Variants in SRGAP3 observed in about 807,000 individuals in gnomAD.
SRGAP3 encodes the protein SLIT-ROBO Rho GTPase activating protein 3, also known as SLIT-ROBO Rho GTPase-activating protein 3.
SRGAP3 carries 39 observed loss-of-function variants against 121.1 expected under a neutral mutation model. The observed-to-expected ratio is 0.32, with a 90% CI of 0.25 to 0.42. SRGAP3 has a LOEUF of 0.42. SRGAP3 is among the 10% of genes least tolerant of loss of function. SRGAP3 has a pLI of 1.00. For missense variants in SRGAP3, 1,213 were observed against 1,470.6 expected (o/e 0.82, Z 2.86); for synonymous variants, 601 against 570.0 (o/e 1.05, Z -0.77).
chr3:9,243,558 T>G (rs1444386947), intron 1 of SRGAP3, among the ~76,000 whole-genome samples: 1 of 150,220 alleles, frequency 6.7e-6, no homozygotes, highest in East Asian at 2.0e-4. Context: ...TTGCTTGAAC[T>G]CGGGAGGCAG....
intron 3 of SRGAP3, among the ~76,000 whole-genome samples, chr3:9,279,046 C>G (rs550890512): frequency 6.6e-6 from 1 of 151,694 alleles, no homozygotes; most frequent in Non-Finnish European, 1.5e-5. Context: ...GGCTGAGACA[C>G]AAGAATCGCT....
intron 1 of SRGAP3, among the ~76,000 whole-genome samples, chr3:9,128,695 G>A (rs1364932811): frequency 6.6e-6 from 1 of 152,180 alleles, no homozygotes; most frequent in East Asian, 1.9e-4. Context: ...AACCCAAAAT[G>A]TCTAGTAAGA....
intron 4 of SRGAP3, among the ~76,000 whole-genome samples, chr3:9,077,516 T>G (rs772692487): frequency 6.6e-6 from 1 of 152,172 alleles, no homozygotes; most frequent in African/African-American, 2.4e-5. Context: ...GCTGGCACCA[T>G]GAGGATCCCA....
chr3:9,240,757 G>T (rs1025187960), intron 1 of SRGAP3, among the ~76,000 whole-genome samples: 1 of 152,200 alleles, frequency 6.6e-6, no homozygotes, highest in African/African-American at 2.4e-5. Context: ...TTCTGGTTCC[G>T]TATTTCCAGG....
intron 1 of SRGAP3, among the ~76,000 whole-genome samples, chr3:9,142,675 C>T (rs1949893652): frequency 6.6e-6 from 1 of 152,130 alleles, no homozygotes; most frequent in Non-Finnish European, 1.5e-5. Flanking sequence ...AGTCTCTTCA[C>T]TACTCTAGGT....
intron 1 of SRGAP3, among the ~76,000 whole-genome samples, chr3:9,189,638 C>T (rs1352557460): frequency 2.0e-5 from 3 of 152,226 alleles, no homozygotes; most frequent in Non-Finnish European, 2.9e-5. Context: ...AATCCATTTA[C>T]AATGGCTGCC....
chr3:9,089,377 C>T (rs1396908843), intron 3 of SRGAP3, among the ~76,000 whole-genome samples: 1 of 137,478 alleles, frequency 7.3e-6, no homozygotes, highest in African/African-American at 2.6e-5. Flanking sequence ...AGCCAAGATT[C>T]ATCTTTTTGA....
rs1043049140 is a variant in SRGAP3, at chr3:9,010,209, G to A, written c.2227+99C>T. The A allele has an allele frequency of 2.9e-6, 4 of 1,366,738 alleles. No individual in the cohort carries two copies. In the African/African-American group the frequency reaches 5.7e-5, roughly 20 times the overall value. The allele number at this position is 1,366,738 out of a possible 1,614,324, so 84.7% of individuals were successfully genotyped here. On this transcript the variant is annotated intron_variant, in intron 18 of 21. Transcript: ENST00000383836. ...GGACAGATGGCTGACTTGGAAAGCT[G>A]AAGAGGTCTATGTGGGCCAGCCCTG...
At chr3:9,353,416 G>A (rs2030305476) in intron 1 of SRGAP3, among the ~76,000 whole-genome samples, 1 of 152,234 alleles carries the variant, frequency 6.6e-6, no homozygotes, top group Admixed American at 6.5e-5. Flanking sequence ...CAGTTATAAG[G>A]ATACAGTTCC....
chr3:9,034,751 A>G (rs573971630), intron 11 of SRGAP3: 3 of 152,258 alleles, frequency 2.0e-5, no homozygotes, highest in Admixed American at 6.5e-5. Context: ...GGATGTATGT[A>G]TGTGGGGTGG....
chr3:9,186,453 T>C (rs1199116242), intron 1 of SRGAP3, among the ~76,000 whole-genome samples: 1 of 152,224 alleles, frequency 6.6e-6, no homozygotes, highest in Non-Finnish European at 1.5e-5. Flanking sequence ...GGACGCTCAA[T>C]AAATGCTTGC....
At chr3:9,200,689 C>A (rs1452454418) in intron 1 of SRGAP3, among the ~76,000 whole-genome samples, 1 of 152,088 alleles carries the variant, frequency 6.6e-6, no homozygotes, top group East Asian at 1.9e-4. Flanking sequence ...ATTTCCAGAT[C>A]CCAAAAAGAC....
chr3:9,348,679 C>T (rs550399048), intron 1 of SRGAP3: 351 of 1,104,788 alleles, frequency 3.2e-4, no homozygotes, highest in Non-Finnish European at 4.3e-4. Flanking sequence ...ACGTGGCTGC[C>T]AGTAGTGAGG....
chr3:9,358,314 T>C (rs1389946971), intron 1 of SRGAP3, among the ~76,000 whole-genome samples: 2 of 152,176 alleles, frequency 1.3e-5, no homozygotes, highest in African/African-American at 4.8e-5. Flanking sequence ...GAATATTTCA[T>C]ATGAATAAAA....
At chr3:9,317,897 G>A (rs1377346270) in intron 3 of SRGAP3, among the ~76,000 whole-genome samples, 1 of 152,202 alleles carries the variant, frequency 6.6e-6, no homozygotes, top group Non-Finnish European at 1.5e-5. Context: ...TCTGGATTCA[G>A]ACTCAGTAAA....
At chr3:9,314,079 T>C (rs1955301811) in intron 3 of SRGAP3, among the ~76,000 whole-genome samples, 1 of 152,250 alleles carries the variant, frequency 6.6e-6, no homozygotes, top group Non-Finnish European at 1.5e-5. Flanking sequence ...GCAGAACTTT[T>C]GTCTGTCTTG....
In SRGAP3 at chr3:8,983,691, T is replaced by G. The variant is rs1293924222; in HGVS notation, c.*1828A>C. On this transcript the variant is annotated 3_prime_UTR_variant, in exon 22 of 22. Transcript: ENST00000383836. The stretch of plus-strand genomic sequence containing the variant: ...GGCTCTGATCTAAGACTTACCTTAC[T>G]AATGATAATCACAAACGCATTGTAT... The G allele has an allele frequency of 1.7e-5, 4 of 231,140 alleles. No homozygotes were observed. The highest frequency in any genetic ancestry group is 8.8e-5 in the African/African-American group (4 of 45,234). The allele number at this position is 231,140 out of a possible 1,614,324, so 14.3% of individuals were successfully genotyped here.
intron 14 of SRGAP3, among the ~76,000 whole-genome samples, chr3:9,020,577 T>G (rs977788941): frequency 1.1e-4 from 16 of 152,244 alleles, no homozygotes; most frequent in Non-Finnish European, 2.1e-4. Flanking sequence ...TTGTTAAGCA[T>G]GATTCGCATA....
chr3:9,134,102 G>C (rs908847498), intron 1 of SRGAP3, among the ~76,000 whole-genome samples: 4 of 152,126 alleles, frequency 2.6e-5, no homozygotes, highest in African/African-American at 7.2e-5. Flanking sequence ...CTTGCCCTTG[G>C]AGGCCTCTGC....
Sources: gnomAD v4.1 joint callset for allele counts (sites outside exome capture counted in the v4.1 genomes callset) on GRCh38, gnomAD v4.1.1 for gene constraint, MANE v1.5 for transcripts, NCBI Gene and HGNC (gene_info 2026-07-23, HGNC 2026-07-21) for gene names.